The following TMC3 variants were observed in gnomAD, a reference collection of about 807,000 sequenced individuals.
TMC3 encodes transmembrane channel-like protein 3.
Under a neutral mutation model 110.6 loss-of-function variants are expected in TMC3, and 98 were observed. That is an observed-to-expected ratio of 0.89 (90% CI 0.75 to 1.05). TMC3 has a LOEUF of 1.05. Ranked by LOEUF, TMC3 falls within the 50% of genes least tolerant of loss-of-function variation. The pLI, the probability that TMC3 is intolerant of heterozygous loss-of-function variation, is 0.00. For missense variants in TMC3, 1,319 were observed against 1,373.2 expected (o/e 0.96, Z 0.62); for synonymous variants, 489 against 513.1 (o/e 0.95, Z 0.63).
intron 2 of TMC3, among the ~76,000 whole-genome samples, chr15:81,371,370 T>C (rs1894431030): frequency 6.6e-6 from 1 of 152,060 alleles, no homozygotes; most frequent in African/African-American, 2.4e-5. Flanking sequence ...AAGGAAGAAA[T>C]GATTTGATGG....
rs548878789 is a variant in TMC3, at chr15:81,351,635, A to T, written c.1083+59T>A. 8.0e-5 allele frequency: 124 copies of T among 1,541,318 alleles called. 1 individual carries two copies. The East Asian group carries it at 3.0e-3, about 38-fold the overall frequency. On this transcript the variant is annotated intron_variant, in intron 10 of 21. Coordinates refer to ENST00000359440, the MANE Select transcript of TMC3 (RefSeq NM_001080532.3). ...CCAAAGTGCTGGGATTACAGGCATCAGCCACTGTGCCCAGCTATGTCTCTT... is the reference window on the plus strand; with the variant it reads ...CCAAAGTGCTGGGATTACAGGCATCTGCCACTGTGCCCAGCTATGTCTCTT...
rs1789005804 is a variant in TMC3, at chr15:81,356,537, G to A, written c.801C>T (p.Phe267=). ...CCCAGGCACAGAACACCCGCCAGCA[G>A]AAGGTATAGTTTTCATTGGAAGCAC... ...LASASNENYT[F]CWRVFCAWDY... is the part of the protein sequence containing the mutation. Residue 267 remains phenylalanine, a synonymous_variant, in exon 8 of 22, where the codon TTC becomes TTT. Coordinates refer to ENST00000359440, the MANE Select transcript of TMC3 (RefSeq NM_001080532.3). The A allele has an allele frequency of 2.5e-6, 4 of 1,582,688 alleles. No individual in the cohort carries two copies.
chr15:81,362,411 A>G, intron 3 of TMC3, 110 bp from the exon 4 acceptor site: 1 of 776,016 alleles, frequency 1.3e-6, no homozygotes, highest in South Asian at 1.6e-5. Context: ...TGGTACCTTT[A>G]ATTATGATTA....
chr15:81,354,729 C>T (rs1394675605), intron 9 of TMC3, among the ~76,000 whole-genome samples: 1 of 152,212 alleles, frequency 6.6e-6, no homozygotes, highest in Non-Finnish European at 1.5e-5. Context: ...TTTCTACCCA[C>T]TGGGGACCTT....
intron 16 of TMC3, among the ~76,000 whole-genome samples, chr15:81,340,791 G>A (rs1254475255): frequency 1.3e-5 from 2 of 152,196 alleles, no homozygotes; most frequent in African/African-American, 2.4e-5. Flanking sequence ...GATGTTCAAG[G>A]CAGCATTACT....
chr15:81,372,462 T>C (rs1894458412), intron 2 of TMC3, 129 bp downstream of exon 2: 1 of 1,173,760 alleles, frequency 8.5e-7, no homozygotes, highest in Non-Finnish European at 1.2e-6. Flanking sequence ...GTGACTTTGC[T>C]AATTCAGGTC....
chr15:81,372,870 C>CGTGTGTGTGT (rs58420711), intron 1 of TMC3, 133 bp from the exon 2 acceptor site: 49,798 of 554,064 alleles, frequency 0.09, 1,781 homozygotes, highest in Middle Eastern at 0.1. Flanking sequence ...TGTGTTTGTG[C>CGTGTGTGTGT]GTGTGTGTGT....
intron 2 of TMC3, among the ~76,000 whole-genome samples, chr15:81,369,625 G>A (rs1349583876): frequency 6.6e-6 from 1 of 151,948 alleles, no homozygotes; most frequent in African/African-American, 2.4e-5. Context: ...ATACAGAGTT[G>A]CCTAAAACAG....
intron 3 of TMC3, among the ~76,000 whole-genome samples, chr15:81,367,142 T>C (rs184624495): frequency 6.6e-6 from 1 of 152,280 alleles, no homozygotes; most frequent in East Asian, 1.9e-4. Context: ...GCAAAGATGT[T>C]CTTCGTAGGG....
chr15:81,343,158 A>G, intron 15 of TMC3, 120 bp downstream of exon 15: 1 of 566,368 alleles, frequency 1.8e-6, no homozygotes, highest in South Asian at 2.9e-5. Flanking sequence ...TAATCTTGGA[A>G]ACATCCCTTC....
At chr15:81,336,134 G>C (rs374330064) in intron 20 of TMC3, 1 of 152,740 alleles carries the variant, frequency 6.5e-6, no homozygotes. Flanking sequence ...TATATCCCTA[G>C]ATTTTATTTT....
At chr15:81,365,884 ATG>A (rs886485377) in intron 3 of TMC3, among the ~76,000 whole-genome samples, 9 of 152,198 alleles carry the variant, frequency 5.9e-5, no homozygotes, top group Non-Finnish European at 2.9e-5. Context: ...TATTCATAGT[ATG>A]TGTTAAGCAC....
chr15:81,342,401 C>G (rs928409977), intron 15 of TMC3, among the ~76,000 whole-genome samples: 8 of 152,150 alleles, frequency 5.3e-5, no homozygotes, highest in Non-Finnish European at 1.0e-4. Flanking sequence ...GTTTTCTCAT[C>G]TTTAAAAAGG....
At chr15:81,349,430 G>A in intron 11 of TMC3, 28 bp downstream of exon 11, 2 of 1,404,182 alleles carry the variant, frequency 1.4e-6, no homozygotes, top group Non-Finnish European at 1.9e-6. Context: ...TGAGCCACAG[G>A]TGGCATTTCT....
At chr15:81,340,879 CAGTG>C (rs1567062085) in intron 16 of TMC3, among the ~76,000 whole-genome samples, 3 of 152,234 alleles carry the variant, frequency 2.0e-5, no homozygotes, top group African/African-American at 7.2e-5. Context: ...TATATTTTCT[CAGTG>C]AGTTGAATCT....
At chr15:81,336,902 A>T (rs953538858) in intron 19 of TMC3, among the ~76,000 whole-genome samples, 1 of 152,208 alleles carries the variant, frequency 6.6e-6, no homozygotes, top group Non-Finnish European at 1.5e-5. Context: ...TTAACAGACC[A>T]TGTTTAGATT....
intron 7 of TMC3, 60 bp downstream of exon 7, chr15:81,358,089 T>C (rs1224395369): frequency 6.8e-6 from 10 of 1,462,754 alleles, no homozygotes; most frequent in African/African-American, 1.4e-5. Flanking sequence ...TGTAAGAAAA[T>C]ACTTCCATTA....
intron 3 of TMC3, among the ~76,000 whole-genome samples, chr15:81,366,262 G>T (rs762738974): frequency 1.3e-5 from 2 of 152,190 alleles, no homozygotes; most frequent in Non-Finnish European, 2.9e-5. Context: ...GTCAGGGAAG[G>T]TCTAGCTGAG....
intron 21 of TMC3, among the ~76,000 whole-genome samples, chr15:81,333,743 C>T (rs1183424778): frequency 6.6e-6 from 1 of 152,240 alleles, no homozygotes; most frequent in African/African-American, 2.4e-5. Context: ...AATCCCAGCG[C>T]TTTGGGAGGC....
Sources: gnomAD v4.1 joint callset for allele counts (sites outside exome capture counted in the v4.1 genomes callset) on GRCh38, gnomAD v4.1.1 for gene constraint, MANE v1.5 for transcripts, NCBI Gene and HGNC (gene_info 2026-07-23, HGNC 2026-07-21) for gene names.